RHOBTB1: variants seen among roughly 807,000 people sequenced by gnomAD.
RHOBTB1 encodes rho-related BTB domain-containing protein 1.
In RHOBTB1, 40 loss-of-function variants were observed where a neutral mutation model predicts 71.6. That is an observed-to-expected ratio of 0.56 (90% CI 0.43 to 0.73). The LOEUF (loss-of-function observed/expected upper bound fraction) is 0.73. Among genes scored for constraint, RHOBTB1 ranks in the 30% least tolerant of loss-of-function variants. The pLI is 0.00. For missense variants in RHOBTB1, 797 were observed against 894.0 expected, an observed-to-expected ratio of 0.89 and a Z score of 1.38; for synonymous variants, 319 against 334.9, an observed-to-expected ratio of 0.95 and a Z score of 0.52.
chr10:60,935,494 C>T (rs1437739328), intron 2 of RHOBTB1, among the ~76,000 whole-genome samples: 4 of 151,908 alleles, frequency 2.6e-5, no homozygotes, highest in East Asian at 3.9e-4. Flanking sequence ...GTTTTTAGTT[C>T]AGATTCCTGG....
intron 9 of RHOBTB1, among the ~76,000 whole-genome samples, chr10:60,874,015 G>A (rs1564738956): frequency 6.6e-6 from 1 of 152,238 alleles, no homozygotes; most frequent in African/African-American, 2.4e-5. Context: ...TCTGGCCACA[G>A]TAGGAAGGGC....
Position 60,889,136 on chromosome 10 carries a change from C to T in RHOBTB1, c.532G>A (p.Ala178Thr). ...ILPPEKGREV[A>T]KELGLPYYET... ...TAGTATGGTAAGCCAAGTTCCTTTG[C>T]TACCTCTCGGCCTTTTTCTGGGGGC... The change falls in exon 6 of 11, where the codon GCA becomes ACA. Residue 178 changes from alanine (A) to threonine (T), a missense_variant. Ala to Thr is a moderately conservative substitution (Grantham distance 58). Coordinates refer to ENST00000337910, the MANE Select transcript of RHOBTB1 (RefSeq NM_014836.5). The T allele has an allele frequency of 6.2e-7, 1 of 1,613,966 alleles. No homozygotes were observed. The highest frequency in any genetic ancestry group is 8.5e-7 in the Non-Finnish European group (1 of 1,179,908).
At chr10:60,968,783 G>T (rs1419254503) in intron 2 of RHOBTB1, among the ~76,000 whole-genome samples, 1 of 152,076 alleles carries the variant, frequency 6.6e-6, no homozygotes, top group East Asian at 1.9e-4. Flanking sequence ...GTTAACCAAT[G>T]GTGGTTATTA....
At chr10:60,864,711 G>C (rs2080629544), downstream of RHOBTB1, among the ~76,000 whole-genome samples, 1 of 150,492 alleles carries the variant, frequency 6.6e-6, no homozygotes. Context: ...ATTTATTTTT[G>C]AGACAGAGTC....
chr10:60,875,889 G>C (rs1193720180), intron 8 of RHOBTB1, among the ~76,000 whole-genome samples: 1 of 152,172 alleles, frequency 6.6e-6, no homozygotes, highest in Non-Finnish European at 1.5e-5. Context: ...GACGTGTGAG[G>C]GTACAGCCTT....
At chr10:60,952,284 A>T (rs185118627) in intron 2 of RHOBTB1, among the ~76,000 whole-genome samples, 4 of 152,312 alleles carry the variant, frequency 2.6e-5, no homozygotes, top group Non-Finnish European at 2.9e-5. Context: ...ATCATAAAAA[A>T]ATGTTTCACA....
chr10:60,862,867 T>TCCTG, the RHOBTB1 span, among the ~76,000 whole-genome samples: 1 of 125,144 alleles, frequency 8.0e-6, no homozygotes, highest in Non-Finnish European at 1.7e-5. Flanking sequence ...CTCCCTCCCT[T>TCCTG]CCTTCCTTCC....
intron 7 of RHOBTB1, among the ~76,000 whole-genome samples, chr10:60,882,026 C>T (rs1054243868): frequency 6.6e-6 from 1 of 151,842 alleles, no homozygotes; most frequent in African/African-American, 2.4e-5. Context: ...GCATTTTTTC[C>T]CCTCATGGCT....
At chr10:60,989,978 C>CTTTTTTTTTTTTTTTTTTTT (rs769184320) in intron 1 of RHOBTB1, among the ~76,000 whole-genome samples, 1 of 122,280 alleles carries the variant, frequency 8.2e-6, no homozygotes, top group African/African-American at 3.2e-5. Flanking sequence ...TCAGAATGTC[C>CTTTTTTTTTTTTTTTTTTTT]TTTTTTTTTT....
downstream of RHOBTB1, among the ~76,000 whole-genome samples, chr10:60,865,708 T>C (rs1352718325): frequency 6.6e-6 from 1 of 152,220 alleles, no homozygotes; most frequent in Non-Finnish European, 1.5e-5. Context: ...TTTCAGATTC[T>C]TTGCATATTG....
chr10:60,902,672 C>T (rs1033982099), intron 4 of RHOBTB1, among the ~76,000 whole-genome samples: 3 of 152,116 alleles, frequency 2.0e-5, no homozygotes, highest in South Asian at 2.1e-4. Flanking sequence ...CTGATCTTTC[C>T]GTTTGCTAAT....
chr10:60,959,623 T>C (rs2085711860), intron 2 of RHOBTB1, among the ~76,000 whole-genome samples: 1 of 152,198 alleles, frequency 6.6e-6, no homozygotes, highest in South Asian at 2.1e-4. Flanking sequence ...GTGATGGCTC[T>C]GGCAATAAAA....
intron 2 of RHOBTB1, among the ~76,000 whole-genome samples, chr10:60,931,470 T>C (rs756412661): frequency 1.3e-5 from 2 of 152,216 alleles, no homozygotes; most frequent in Non-Finnish European, 1.5e-5. Context: ...TCACTTAGCA[T>C]AGTATTTTCA....
At chr10:60,968,538 A>T (rs1217718015) in intron 2 of RHOBTB1, among the ~76,000 whole-genome samples, 2 of 152,118 alleles carry the variant, frequency 1.3e-5, no homozygotes, top group African/African-American at 4.8e-5. Context: ...AAACCTACTG[A>T]GCCCTTGCTG....
In RHOBTB1 at chr10:60,925,812, A is replaced by T. The variant is rs553146414; in HGVS notation, c.-10-14260T>A. On this transcript the variant is annotated intron_variant, in intron 2 of 10. Coordinates refer to ENST00000337910, the MANE Select transcript of RHOBTB1 (RefSeq NM_014836.5). ...GTCAATAAACTGGAAAACCTAGAAG[A>T]AATGGACAAATTCCTAGACATATAC... 2.0e-5 allele frequency among the ~76,000 whole-genome samples: 3 copies of T among 152,358 alleles called. No homozygotes were observed. In the East Asian group the frequency reaches 5.8e-4, roughly 29 times the overall value.
intron 1 of RHOBTB1, among the ~76,000 whole-genome samples, chr10:60,989,345 T>C (rs576584825): frequency 1.3e-5 from 2 of 152,242 alleles, no homozygotes; most frequent in Non-Finnish European, 2.9e-5. Flanking sequence ...GATTATCACA[T>C]GAATTTATTT....
rs543714608 is a variant in RHOBTB1, at chr10:60,905,555, T to C, written c.296+5332A>G. On this transcript the variant is annotated intron_variant, in intron 4 of 10. Coordinates refer to ENST00000337910, the MANE Select transcript of RHOBTB1 (RefSeq NM_014836.5). ...AGTCAGCATGAGTAACAGTGCCATATTGTGTCTGAGGCAGAAGGGAAAAAA... is the reference window on the plus strand; with the variant it reads ...AGTCAGCATGAGTAACAGTGCCATACTGTGTCTGAGGCAGAAGGGAAAAAA... Among the ~76,000 whole-genome samples, 24 of 150,952 alleles carry C rather than the reference T, an allele frequency of 1.6e-4. No individual in the cohort carries two copies. The East Asian group carries it at 4.7e-3, about 29-fold the overall frequency.
chr10:60,994,623 C>T (rs776797075), intron 1 of RHOBTB1, among the ~76,000 whole-genome samples: 1 of 151,540 alleles, frequency 6.6e-6, no homozygotes, highest in Non-Finnish European at 1.5e-5. Flanking sequence ...GAAAGATATC[C>T]TCAGGAAAAA....
chr10:60,998,643 G>A (rs2087144512), intron 1 of RHOBTB1, among the ~76,000 whole-genome samples: 1 of 152,138 alleles, frequency 6.6e-6, no homozygotes, highest in Admixed American at 6.5e-5. Flanking sequence ...AAAAGGGGAA[G>A]GGAGAGCATA....
Sources: gnomAD v4.1 joint callset for allele counts (sites outside exome capture counted in the v4.1 genomes callset) on GRCh38, gnomAD v4.1.1 for gene constraint, MANE v1.5 for transcripts, NCBI Gene and HGNC (gene_info 2026-07-23, HGNC 2026-07-21) for gene names.